RYR1: variants seen among roughly 807,000 people sequenced by gnomAD.
The protein encoded by RYR1 is central core disease of muscle.
A neutral mutation model predicts 583.5 loss-of-function variants in RYR1; 342 were observed. The ratio of observed to expected loss-of-function variants is 0.59; its 90% CI spans 0.54 to 0.64. RYR1 has a LOEUF of 0.64. Ranked by LOEUF, RYR1 falls within the 30% of genes least tolerant of loss-of-function variation. RYR1 has a pLI of 0.00. For missense variants in RYR1, 6,032 were observed against 6,917.2 expected, an observed-to-expected ratio of 0.87 and a Z score of 4.54; for synonymous variants, 2,791 against 2,822.5, an observed-to-expected ratio of 0.99 and a Z score of 0.35.
chr19:38,574,671 A>G (rs1263226660), intron 96 of RYR1, among the ~76,000 whole-genome samples: 1 of 152,104 alleles, frequency 6.6e-6, no homozygotes, highest in Non-Finnish European at 1.5e-5. Flanking sequence ...TGGAAGTGCA[A>G]TGAATCAAAG....
chr19:38,536,117 G>A, intron 82 of RYR1, 47 bp downstream of exon 82: 1 of 1,522,994 alleles, frequency 6.6e-7, no homozygotes, highest in East Asian at 2.3e-5. Flanking sequence ...ATCTTCCTTT[G>A]GGATTCCTCC....
chr19:38,553,619 AC>A (rs1167939070), intron 89 of RYR1, among the ~76,000 whole-genome samples: 2 of 152,102 alleles, frequency 1.3e-5, no homozygotes, highest in Non-Finnish European at 1.5e-5. Context: ...GTACCACTGC[AC>A]TCCAGCCTGG....
chr19:38,505,669 A>G, intron 53 of RYR1, 137 bp from the exon 54 acceptor site: 2 of 1,091,186 alleles, frequency 1.8e-6, no homozygotes, highest in Admixed American at 4.1e-5. Flanking sequence ...TCTGTTACAG[A>G]GCAGGTAAGA....
At chr19:38,586,861 C>CT (rs1282372454) in intron 105 of RYR1, among the ~76,000 whole-genome samples, 1 of 152,180 alleles carries the variant, frequency 6.6e-6, no homozygotes, top group African/African-American at 2.4e-5. Context: ...ATCCCAGCTA[C>CT]TTGGAAAGCT....
At chr19:38,515,381 G>GC (rs1313922186) in intron 64 of RYR1, among the ~76,000 whole-genome samples, 7 of 152,192 alleles carry the variant, frequency 4.6e-5, no homozygotes, top group Non-Finnish European at 4.4e-5. Flanking sequence ...CAGGAGCCAC[G>GC]CAACACTGGG....
chr19:38,446,635 AT>A, intron 8 of RYR1, 58 bp from the exon 9 acceptor site: 2 of 1,597,194 alleles, frequency 1.3e-6, no homozygotes, highest in Admixed American at 1.7e-5. Flanking sequence ...TATGAGTAGG[AT>A]TAGGGACCAG....
intron 102 of RYR1, among the ~76,000 whole-genome samples, chr19:38,585,367 G>GATATATATATATAT (rs1156399968): frequency 5.2e-5 from 7 of 135,666 alleles, no homozygotes; most frequent in African/African-American, 2.2e-4. Context: ...ATAAAGGCCT[G>GATATATATATATAT]AGATATATAT....
intron 89 of RYR1, among the ~76,000 whole-genome samples, chr19:38,560,085 T>C (rs1443545978): frequency 6.6e-6 from 1 of 152,206 alleles, no homozygotes; most frequent in Non-Finnish European, 1.5e-5. Flanking sequence ...AATCTGTGGG[T>C]GAACTTGGTG....
chr19:38,465,105 G>A (rs73930589), intron 23 of RYR1, among the ~76,000 whole-genome samples: 1,786 of 152,238 alleles, frequency 0.012, 36 homozygotes, highest in African/African-American at 0.041. Flanking sequence ...GCAGTTACAC[G>A]TCCTGAGTTC....
intron 1 of RYR1, among the ~76,000 whole-genome samples, chr19:38,439,337 T>A (rs1972567729): frequency 6.6e-6 from 1 of 152,116 alleles, no homozygotes; most frequent in Admixed American, 6.6e-5. Context: ...GTAGCTGGGA[T>A]AACAGGCATA....
Position 38,543,388 on chromosome 19 carries a change from A to G in RYR1, c.11731A>G (p.Thr3911Ala), listed in dbSNP as rs200622493. 112 of 1,614,082 alleles carry G rather than the reference A, an allele frequency of 6.9e-5. 3 individuals carry two copies. The South Asian group carries it at 7.1e-4, about 10-fold the overall frequency. Residue 3911 changes from threonine (T) to alanine (A), a missense_variant, in exon 85 of 106, where the codon ACT becomes GCT. By Grantham distance (58) the Thr-to-Ala change is moderately conservative. Coordinates refer to ENST00000359596, the MANE Select transcript of RYR1 (RefSeq NM_000540.3). The surrounding 1 kb of genome is among the most constrained non-coding windows in gnomAD (Gnocchi z 4.4). ...ACGGACACAGACAGGGAACACGACC[A>G]CTATTAACATCATCATTTGCACTGT... is the stretch of plus-strand genomic sequence containing the variant. ...YLRTQTGNTTTINIIICTVDY... is the reference protein window; with the variant it reads ...YLRTQTGNTTAINIIICTVDY...
In RYR1 at chr19:38,485,994, C is replaced by T. The variant is rs369480385; in HGVS notation, c.5339C>T (p.Pro1780Leu). Residue 1780 changes from proline (P) to leucine (L), a missense_variant, in exon 34 of 106, where the codon CCC (proline) becomes CTC (leucine). Transcript: ENST00000359596. ...SLRPPHHFSP[P>L]CFVAALPAAG... Reference sequence around the variant, plus strand: ...AGGCCCCCGCATCATTTCTCGCCCCCCTGTTTCGTGGCCGCTCTGCCAGCT... The same window carrying T: ...AGGCCCCCGCATCATTTCTCGCCCCTCTGTTTCGTGGCCGCTCTGCCAGCT... The T allele has an allele frequency of 1.9e-6, 3 of 1,613,632 alleles. No individual in the cohort carries two copies. In the Admixed American group the frequency reaches 5.0e-5, roughly 27 times the overall value.
chr19:38,569,380 C>G (rs1402705663), intron 93 of RYR1, among the ~76,000 whole-genome samples: 1 of 151,790 alleles, frequency 6.6e-6, no homozygotes, highest in Non-Finnish European at 1.5e-5. Context: ...GCAGTGCACC[C>G]AGAGTAGCCA....
chr19:38,586,607 C>T lies in RYR1; in HGVS notation c.15021+31C>T, dbSNP rs1974501050. ...GGGGTGTTAATGGGAGGACAGTGGG[C>T]AGGACGTGGAGCCCTTTAACATAAG... On this transcript the variant is annotated intron_variant, in intron 105 of 105. Transcript: ENST00000359596. The T allele has an allele frequency of 5.0e-6, 8 of 1,603,702 alleles. No individual in the cohort carries two copies. In the South Asian group the frequency reaches 5.5e-5, roughly 11 times the overall value.
chr19:38,536,935 C>A, intron 83 of RYR1, 168 bp downstream of exon 83: 1 of 690,366 alleles, frequency 1.4e-6, no homozygotes, highest in Non-Finnish European at 2.6e-6. Context: ...GTCTGGGGAG[C>A]ATGATTCAGG....
chr19:38,532,183 G>A (rs538717980), intron 76 of RYR1, among the ~76,000 whole-genome samples: 6 of 150,354 alleles, frequency 4.0e-5, no homozygotes, highest in East Asian at 2.0e-4. Flanking sequence ...GTACGGTGGC[G>A]CAATGTCAGC....
At position 38,553,210 on chromosome 19, in the gene RYR1, C is replaced by T. The variant is rs1195718560; in HGVS notation, c.12282+4790C>T. Among the ~76,000 whole-genome samples the T allele has an allele frequency of 2.6e-5, 4 of 151,244 alleles. No homozygotes were observed. In the Admixed American group the frequency reaches 2.6e-4, roughly 10 times the overall value. On this transcript the variant is annotated intron_variant, in intron 89 of 105. Coordinates refer to ENST00000359596, the MANE Select transcript of RYR1 (RefSeq NM_000540.3). ...ATTAGCCAAGCATGGTGGCAGGTGC[C>T]TGTAATCCCGGCTACTCAGGAGGCT...
At position 38,455,553 on chromosome 19, in the gene RYR1, G is replaced by T; in HGVS notation, c.1672+7G>T. 6.2e-7 allele frequency: 1 copy of T among 1,613,960 alleles called. No individual in the cohort carries two copies. The highest frequency in any genetic ancestry group is 8.5e-7 in the Non-Finnish European group (1 of 1,179,900). ...CGGCTGGAGGCCTCGTCTGGTAGGA[G>T]AACCCGGGGGAGTGGGACAGAGGCT... On this transcript the variant is annotated splice_region_variant and intron_variant, in intron 15 of 105. Transcript: ENST00000359596.
At position 38,578,033 on chromosome 19, in the gene RYR1, C is replaced by T; in HGVS notation, c.14288C>T (p.Pro4763Leu). 1 of 1,614,140 alleles carries T rather than the reference C, an allele frequency of 6.2e-7. No homozygotes were observed. Among genetic ancestry groups the T allele is most frequent in the Non-Finnish European group, 8.5e-7 (1 of 1,180,010 alleles). Residue 4763 changes from proline (P) to leucine (L), a missense_variant, in exon 98 of 106, where the codon CCA (proline) becomes CTA (leucine). Coordinates refer to ENST00000359596, the MANE Select transcript of RYR1 (RefSeq NM_000540.3). Reference protein sequence around the residue: ...AHNERKPNPPPGLLTWLMSID... With the variant: ...AHNERKPNPPLGLLTWLMSID... ...AATGAGCGCAAGCCCAACCCGCCGCCAGGGCTGCTGACCTGGTGAGCCCAG... is the reference window on the plus strand; with the variant it reads ...AATGAGCGCAAGCCCAACCCGCCGCTAGGGCTGCTGACCTGGTGAGCCCAG...
Sources: allele counts gnomAD v4.1 joint callset (sites outside exome capture counted in the v4.1 genomes callset), GRCh38; gene constraint gnomAD v4.1.1; non-coding constraint Gnocchi (gnomAD v3.1); transcripts MANE v1.5; gene names NCBI Gene and HGNC (gene_info 2026-07-23, HGNC 2026-07-21).